The following BRINP2 variants were observed in gnomAD, a reference collection of about 807,000 sequenced individuals.
BRINP2 encodes BMP/retinoic acid-inducible neural-specific protein 2.
A neutral mutation model predicts 69.2 loss-of-function variants in BRINP2; 21 were observed. The observed-to-expected ratio is 0.30, with a 90% CI of 0.22 to 0.44. The LOEUF is 0.44. Ranked by LOEUF, BRINP2 falls within the 20% of genes least tolerant of loss-of-function variation. The pLI, the probability that BRINP2 is intolerant of heterozygous loss-of-function variation, is 1.00. For synonymous variants in BRINP2, 380 were observed against 394.1 expected, an observed-to-expected ratio of 0.96 and a Z score of 0.42; for missense variants, 877 against 986.0, an observed-to-expected ratio of 0.89 and a Z score of 1.48.
intron 1 of BRINP2, among the ~76,000 whole-genome samples, chr1:177,200,295 A>G (rs1455981261): frequency 1.0e-5 from 1 of 98,650 alleles, no homozygotes; most frequent in East Asian, 3.6e-4. Context: ...CTCTGTCTCA[A>G]AAAAAAAAAA....
intron 4 of BRINP2, among the ~76,000 whole-genome samples, chr1:177,267,294 T>C (rs1480738256): frequency 6.6e-6 from 1 of 152,250 alleles, no homozygotes; most frequent in Non-Finnish European, 1.5e-5. Flanking sequence ...TTATTCTTTT[T>C]GTTTTTTGTT....
In BRINP2 at chr1:177,171,092, G is replaced by A. The variant is rs185989432; in HGVS notation, c.-717G>A. ...CGCTGGCAGCGCTTACGCTGAGCTC[G>A]GAGGATCCCATTAGGACTTGCCCGG... is the stretch of plus-strand genomic sequence containing the variant. On this transcript the variant is annotated 5_prime_UTR_variant, in exon 1 of 8. Transcript: ENST00000361539. Among the ~76,000 whole-genome samples, 1,270 of 152,344 alleles carry A rather than the reference G, an allele frequency of 8.3e-3. 24 individuals are homozygous for A. The highest frequency in any genetic ancestry group is 0.028 in the African/African-American group (1,155 of 41,578).
intron 4 of BRINP2, among the ~76,000 whole-genome samples, chr1:177,270,985 T>C (rs1012905990): frequency 2.6e-5 from 4 of 152,128 alleles, no homozygotes; most frequent in African/African-American, 9.7e-5. Context: ...TAAAGAAACA[T>C]GATTCAGCAC....
At chr1:177,204,597 G>A (rs755355717) in intron 1 of BRINP2, among the ~76,000 whole-genome samples, 5 of 152,070 alleles carry the variant, frequency 3.3e-5, no homozygotes, top group South Asian at 2.1e-4. Context: ...ACCAATGCCC[G>A]GCTCTCTCTC....
chr1:177,278,189 T>C (rs1371727882), intron 6 of BRINP2, among the ~76,000 whole-genome samples: 2 of 152,042 alleles, frequency 1.3e-5, no homozygotes, highest in Non-Finnish European at 2.9e-5. Flanking sequence ...TGTGGTGTTA[T>C]TGAAGAGGAT....
intron 2 of BRINP2, among the ~76,000 whole-genome samples, chr1:177,239,678 T>C (rs1650135193): frequency 2.0e-5 from 3 of 152,204 alleles, no homozygotes. Flanking sequence ...AGTGATGAGA[T>C]TGGTGTATGC....
chr1:177,238,616 T>A (rs535579174), intron 2 of BRINP2, among the ~76,000 whole-genome samples: 1 of 152,206 alleles, frequency 6.6e-6, no homozygotes, highest in Non-Finnish European at 1.5e-5. Context: ...TCTCAATCCA[T>A]GAACTCTACA....
chr1:177,247,805 G>T (rs149841792), intron 2 of BRINP2, among the ~76,000 whole-genome samples: 21 of 152,364 alleles, frequency 1.4e-4, no homozygotes, highest in African/African-American at 5.0e-4. Context: ...ATAGTGAGCA[G>T]GCGGTGATTG....
At chr1:177,252,560 A>G (rs543967518) in intron 2 of BRINP2, among the ~76,000 whole-genome samples, 1 of 152,320 alleles carries the variant, frequency 6.6e-6, no homozygotes, top group Admixed American at 6.5e-5. Flanking sequence ...TCAAACATCT[A>G]TCATTTCTTT....
rs377272745 is a variant in BRINP2 at position 177,230,044 on chromosome 1, C to T, written c.168C>T (p.Asp56=). The T allele has an allele frequency of 2.5e-6, 4 of 1,613,836 alleles. No homozygotes were observed. Among genetic ancestry groups the T allele is most frequent in the Non-Finnish European group, 3.4e-6 (4 of 1,180,014 alleles). ...CCGTAGCTGGCCAGCATCCCCTGGA[C>T]TGGCTGCTCACAGACCGGGGCCCCT... The part of the protein sequence containing the change: ...HASVAGQHPL[D]WLLTDRGPFH... The change falls in exon 2 of 8, where the codon GAC becomes GAT. Residue 56 remains aspartate (D), a synonymous_variant. Transcript: ENST00000361539.
chr1:177,200,293 CAAAAAAAAAAAAAAAAA>C (rs35619503), intron 1 of BRINP2, among the ~76,000 whole-genome samples: 3 of 34,796 alleles, frequency 8.6e-5, no homozygotes, highest in African/African-American at 2.6e-4. Flanking sequence ...AACTCTGTCT[CAAAAAAAAAAAAAAAAA>C]AAAAAAAAAA....
At chr1:177,251,732 C>T (rs1264413838) in intron 2 of BRINP2, among the ~76,000 whole-genome samples, 1 of 152,150 alleles carries the variant, frequency 6.6e-6, no homozygotes, top group African/African-American at 2.4e-5. Flanking sequence ...AGTTCCCATC[C>T]AGACCCAGTG....
chr1:177,242,459 C>T (rs1390357952), intron 2 of BRINP2, among the ~76,000 whole-genome samples: 3 of 152,070 alleles, frequency 2.0e-5, no homozygotes, highest in Non-Finnish European at 1.5e-5. Context: ...CACAGAAGGC[C>T]CCCTTGATGT....
intron 4 of BRINP2, among the ~76,000 whole-genome samples, chr1:177,271,561 T>A (rs1407894180): frequency 1.3e-5 from 2 of 152,216 alleles, no homozygotes; most frequent in African/African-American, 4.8e-5. Context: ...CTCTGAACCT[T>A]ACTTTCCTCC....
chr1:177,276,049 T>C, intron 5 of BRINP2, 149 bp from the exon 6 acceptor site: 1 of 716,690 alleles, frequency 1.4e-6, no homozygotes. Context: ...CCCAACCAGC[T>C]CAGCAGGATT....
Position 177,257,191 on chromosome 1 carries a change from C to G in BRINP2, c.476C>G (p.Thr159Ser). Residue 159 changes from threonine (T) to serine (S), a missense_variant, in exon 4 of 8, where the codon ACC becomes AGC. Thr to Ser is a moderately conservative substitution (Grantham distance 58). This residue lies in a region of BRINP2 where 566 missense variants were observed against 625.2 expected (regional missense o/e 0.91). Coordinates refer to ENST00000361539, the MANE Select transcript of BRINP2 (RefSeq NM_021165.4). Reference sequence around the variant, plus strand: ...TTCACCATAGGAGAAGAGTCCCTGACCATTTTTGTGGACAAGCAGAAACTG... The same window carrying G: ...TTCACCATAGGAGAAGAGTCCCTGAGCATTTTTGTGGACAAGCAGAAACTG... ...SATLGGEESL[T>S]IFVDKQKLGR... 6.2e-7 allele frequency: 1 copy of G among 1,613,998 alleles called. No homozygotes were observed. Among genetic ancestry groups the G allele is most frequent in the Non-Finnish European group, 8.5e-7 (1 of 1,180,016 alleles).
intron 2 of BRINP2, among the ~76,000 whole-genome samples, chr1:177,245,058 A>G (rs1650332474): frequency 6.6e-6 from 1 of 152,182 alleles, no homozygotes; most frequent in Non-Finnish European, 1.5e-5. Flanking sequence ...AACCACACTG[A>G]CATCTGTAGG....
At chr1:177,202,985 C>A (rs949735611) in intron 1 of BRINP2, among the ~76,000 whole-genome samples, 10 of 151,906 alleles carry the variant, frequency 6.6e-5, no homozygotes, top group Admixed American at 3.9e-4. Flanking sequence ...GGGTATATAC[C>A]CAAAGGATTA....
intron 2 of BRINP2, 69 bp downstream of exon 2, chr1:177,230,214 G>C (rs564425687): frequency 7.3e-6 from 11 of 1,502,220 alleles, no homozygotes; most frequent in African/African-American, 2.8e-5. Context: ...CTGCTGGTGT[G>C]CTGGCCCAAA....
Sources: allele counts gnomAD v4.1 joint callset (sites outside exome capture counted in the v4.1 genomes callset), GRCh38; gene constraint gnomAD v4.1.1; regional missense constraint gnomAD v4.1.1; transcripts MANE v1.5; gene names NCBI Gene and HGNC (gene_info 2026-07-23, HGNC 2026-07-21).